DPP10: variants seen among roughly 807,000 people sequenced by gnomAD.
DPP10 encodes the protein dipeptidyl peptidase like 10, also known as inactive dipeptidyl peptidase 10.
In DPP10, 33 loss-of-function variants were observed where a neutral mutation model predicts 120.9. That is an observed-to-expected ratio of 0.27 (90% CI 0.21 to 0.37). The LOEUF (loss-of-function observed/expected upper bound fraction) is 0.37. Among genes scored for constraint, DPP10 ranks in the 10% least tolerant of loss-of-function variants. The pLI is 1.00. For missense variants in DPP10, 816 were observed against 942.8 expected (o/e 0.87, Z 1.76); for synonymous variants, 337 against 326.1 (o/e 1.03, Z -0.36).
intron 1 of DPP10, among the ~76,000 whole-genome samples, chr2:114,831,022 ATTTTTTTTTTTTTTTTTTTTTTT>A (rs70941010): frequency 2.2e-4 from 10 of 45,924 alleles, no homozygotes; most frequent in African/African-American, 8.6e-4. Flanking sequence ...CCATGCAAAG[ATTTTTTTTTTTTTTTTTTTTTTT>A]TTTTTTTTTT....
intron 3 of DPP10, chr2:115,468,710 A>G (rs1011487571): frequency 1.9e-5 from 7 of 370,292 alleles, no homozygotes; most frequent in Non-Finnish European, 3.2e-5. Flanking sequence ...TGAAAAAGCT[A>G]TGACCAAGGA....
chr2:114,636,752 G>A (rs1695332048), intron 1 of DPP10, among the ~76,000 whole-genome samples: 1 of 151,852 alleles, frequency 6.6e-6, no homozygotes, highest in South Asian at 2.1e-4. Flanking sequence ...AGCCTTTGTA[G>A]GAAGATGCAA....
chr2:115,389,654 T>G (rs2067193591), intron 3 of DPP10, among the ~76,000 whole-genome samples: 1 of 152,144 alleles, frequency 6.6e-6, no homozygotes, highest in Admixed American at 6.5e-5. Context: ...GTTAGAGTAA[T>G]GCCCATGAAT....
chr2:115,844,785 A>C lies in DPP10; in HGVS notation c.*2440A>C, dbSNP rs964273893. On this transcript the variant is annotated 3_prime_UTR_variant, in exon 26 of 26. Coordinates refer to ENST00000410059, the MANE Select transcript of DPP10 (RefSeq NM_020868.6). Reference sequence around the variant, plus strand: ...TCAATATATTGAATTCTTTAATTAAATAGGTAAGCAGTATTAAATCATCCA... The same window carrying C: ...TCAATATATTGAATTCTTTAATTAACTAGGTAAGCAGTATTAAATCATCCA... The C allele has an allele frequency of 6.6e-6, 1 of 152,242 alleles. No individual in the cohort carries two copies. Among genetic ancestry groups the C allele is most frequent in the Non-Finnish European group, 1.5e-5 (1 of 68,032 alleles). 9.4% of individuals were successfully genotyped at this position (152,242 alleles called of 1,614,324 possible).
chr2:115,109,646 A>T (rs1356901064), intron 1 of DPP10, among the ~76,000 whole-genome samples: 2 of 152,210 alleles, frequency 1.3e-5, no homozygotes, highest in Non-Finnish European at 2.9e-5. Context: ...TATTAAGGAG[A>T]TATTTTTTAA....
chr2:114,521,497 T>C (rs564733267), intron 1 of DPP10, among the ~76,000 whole-genome samples: 2 of 152,198 alleles, frequency 1.3e-5, no homozygotes, highest in South Asian at 4.1e-4. Context: ...ATTATAGATA[T>C]GGAAGTCAGA....
intron 1 of DPP10, among the ~76,000 whole-genome samples, chr2:114,960,915 A>C (rs557517733): frequency 2.6e-5 from 4 of 152,052 alleles, no homozygotes; most frequent in Non-Finnish European, 5.9e-5. Flanking sequence ...TTGATATTCT[A>C]TGAAAAATAG....
intron 1 of DPP10, among the ~76,000 whole-genome samples, chr2:114,843,939 C>T (rs1339504425): frequency 6.6e-6 from 1 of 152,092 alleles, no homozygotes; most frequent in Non-Finnish European, 1.5e-5. Flanking sequence ...TACCCAATCC[C>T]CTTTTCATCA....
chr2:115,493,357 T>C (rs1035697984), intron 3 of DPP10, among the ~76,000 whole-genome samples: 1 of 151,926 alleles, frequency 6.6e-6, no homozygotes, highest in African/African-American at 2.4e-5. Context: ...TATAAAAAGT[T>C]TAATTGTAGT....
intron 1 of DPP10, among the ~76,000 whole-genome samples, chr2:115,222,157 C>G (rs2057204109): frequency 6.6e-6 from 1 of 152,058 alleles, no homozygotes; most frequent in African/African-American, 2.4e-5. Flanking sequence ...ACTCTAATAT[C>G]TTTAGAGTAA....
chr2:115,838,795 T>C (rs1019022772), intron 24 of DPP10, among the ~76,000 whole-genome samples: 1 of 151,948 alleles, frequency 6.6e-6, no homozygotes, highest in Non-Finnish European at 1.5e-5. Context: ...CACACACACA[T>C]AGGCACACAC....
At chr2:115,065,215 T>C (rs1388276415) in intron 1 of DPP10, among the ~76,000 whole-genome samples, 1 of 152,238 alleles carries the variant, frequency 6.6e-6, no homozygotes, top group Non-Finnish European at 1.5e-5. Flanking sequence ...GTTTCCTTTA[T>C]AAGTCTATCC....
intron 1 of DPP10, among the ~76,000 whole-genome samples, chr2:114,567,263 C>T (rs1280946544): frequency 6.6e-6 from 1 of 152,126 alleles, no homozygotes; most frequent in African/African-American, 2.4e-5. Flanking sequence ...TGTTGAAATC[C>T]TCTGAAGCTG....
At chr2:115,456,705 C>T (rs1171558279) in intron 3 of DPP10, among the ~76,000 whole-genome samples, 1 of 152,086 alleles carries the variant, frequency 6.6e-6, no homozygotes, top group Non-Finnish European at 1.5e-5. Context: ...CAAACTAACA[C>T]AAGAACAGAA....
At chr2:114,767,207 CAAAAAAA>C (rs5833559) in intron 1 of DPP10, among the ~76,000 whole-genome samples, 1 of 33,058 alleles carries the variant, frequency 3.0e-5, no homozygotes, top group African/African-American at 1.2e-4. Flanking sequence ...AGGATAAAAG[CAAAAAAA>C]AAAAAAAAAA....
intron 5 of DPP10, among the ~76,000 whole-genome samples, chr2:115,598,446 T>C (rs2083120469): frequency 6.6e-6 from 1 of 151,972 alleles, no homozygotes. Flanking sequence ...TACCTATACC[T>C]CTTTGTATCA....
intron 1 of DPP10, among the ~76,000 whole-genome samples, chr2:114,744,279 A>C (rs1208968381): frequency 6.6e-6 from 1 of 152,228 alleles, no homozygotes; most frequent in Non-Finnish European, 1.5e-5. Context: ...ATAGGATTAT[A>C]GCTTCAGCTG....
chr2:115,507,215 T>G (rs1209322673), intron 4 of DPP10, among the ~76,000 whole-genome samples: 1 of 152,202 alleles, frequency 6.6e-6, no homozygotes, highest in African/African-American at 2.4e-5. Flanking sequence ...TCTCCATCTT[T>G]ATGATGTTTC....
chr2:115,158,712 A>C (rs142282256), intron 1 of DPP10, among the ~76,000 whole-genome samples: 1 of 152,306 alleles, frequency 6.6e-6, no homozygotes, highest in Non-Finnish European at 1.5e-5. Context: ...TGTTATATGA[A>C]TGTTATAAAA....
Sources: gnomAD v4.1 joint callset for allele counts (sites outside exome capture counted in the v4.1 genomes callset) on GRCh38, gnomAD v4.1.1 for gene constraint, MANE v1.5 for transcripts, NCBI Gene and HGNC (gene_info 2026-07-23, HGNC 2026-07-21) for gene names.